The following CELF2 variants were observed in gnomAD, a reference collection of about 807,000 sequenced individuals.
CELF2 encodes the protein CUG triplet repeat RNA-binding protein 2.
CELF2 carries 8 observed loss-of-function variants against 62.6 expected under a neutral mutation model. The observed-to-expected ratio is 0.13, with a 90% CI of 0.07 to 0.23. CELF2 has a LOEUF of 0.23. Among genes scored for constraint, CELF2 ranks in the 10% least tolerant of loss-of-function variants. The pLI, the probability that CELF2 is intolerant of heterozygous loss-of-function variation, is 1.00. For missense variants in CELF2, 333 were observed against 671.0 expected (o/e 0.50, Z 5.56); for synonymous variants, 258 against 250.0 (o/e 1.03, Z -0.30).
At chr10:11,063,850 A>G (rs1220582675) in intron 1 of CELF2, among the ~76,000 whole-genome samples, 2 of 152,050 alleles carry the variant, frequency 1.3e-5, no homozygotes, top group Non-Finnish European at 2.9e-5. Context: ...ATTAAGTTGG[A>G]CTCTCTAAAA....
At chr10:10,969,513 A>C (rs578108108) in intron 2 of CELF2, among the ~76,000 whole-genome samples, 2 of 152,296 alleles carry the variant, frequency 1.3e-5, no homozygotes, top group Middle Eastern at 3.4e-3. Context: ...AACTATAAAC[A>C]TCCCCGTTGT....
chr10:10,485,276 G>T, the CELF2 span, among the ~76,000 whole-genome samples: 1 of 152,176 alleles, frequency 6.6e-6, no homozygotes, highest in East Asian at 1.9e-4. Flanking sequence ...TAGAAGGCGT[G>T]ATCGTCCAGA....
rs1355171217 is a variant in CELF2 at position 11,273,398 on chromosome 10, C to T, written c.778-1659C>T. Among the ~76,000 whole-genome samples the T allele has an allele frequency of 3.3e-5, 5 of 152,156 alleles. No homozygotes were observed. The East Asian group carries it at 7.7e-4, about 24-fold the overall frequency. Reference sequence around the variant, plus strand: ...TGCACATGCTGAAGGGTCTAGGTTGCGTGCTCCTTATGAGAATCTAATTCC... The same window carrying T: ...TGCACATGCTGAAGGGTCTAGGTTGTGTGCTCCTTATGAGAATCTAATTCC... On this transcript the variant is annotated intron_variant, in intron 7 of 12. Coordinates refer to ENST00000633077, the MANE Select transcript of CELF2 (RefSeq NM_001326342.2).
chr10:10,883,374 C>A (rs1280562487), intron 1 of CELF2, among the ~76,000 whole-genome samples: 1 of 152,078 alleles, frequency 6.6e-6, no homozygotes, highest in African/African-American at 2.4e-5. Flanking sequence ...TTTCGTGTTC[C>A]AAAATTTTCT....
chr10:10,954,967 A>G (rs1466384430), intron 2 of CELF2, among the ~76,000 whole-genome samples: 1 of 152,264 alleles, frequency 6.6e-6, no homozygotes. Flanking sequence ...TCTTAGGTCA[A>G]CTGCCTATTT....
At chr10:10,752,802 T>A in the CELF2 span, among the ~76,000 whole-genome samples, 15 of 116,498 alleles carry the variant, frequency 1.3e-4, no homozygotes, top group East Asian at 2.5e-4. Flanking sequence ...ATACCGGTAG[T>A]AAAAAAAAAA....
At chr10:11,230,285 G>C (rs1424281355) in intron 3 of CELF2, among the ~76,000 whole-genome samples, 1 of 151,396 alleles carries the variant, frequency 6.6e-6, no homozygotes, top group Admixed American at 6.6e-5. Flanking sequence ...ACATCACTCT[G>C]AAAAAATTAA....
At chr10:11,236,160 A>G (rs4750032) in intron 3 of CELF2, among the ~76,000 whole-genome samples, 114,249 of 152,178 alleles carry the variant, frequency 0.75, 44,390 homozygotes, top group Non-Finnish European at 0.87. Flanking sequence ...TGGGAGGATC[A>G]TTAGAATACG....
chr10:10,559,678 G>A, the CELF2 span, among the ~76,000 whole-genome samples: 2 of 152,174 alleles, frequency 1.3e-5, no homozygotes, highest in South Asian at 4.1e-4. Flanking sequence ...TTTGATAATT[G>A]TAAGTCATCT....
At chr10:11,090,720 G>A (rs556100495) in intron 1 of CELF2, among the ~76,000 whole-genome samples, 2 of 152,280 alleles carry the variant, frequency 1.3e-5, no homozygotes, top group East Asian at 3.9e-4. Flanking sequence ...AAGGAAAAAG[G>A]CTAATAATTA....
At chr10:11,141,912 T>C (rs962757141) in intron 1 of CELF2, among the ~76,000 whole-genome samples, 31 of 152,264 alleles carry the variant, frequency 2.0e-4, no homozygotes, top group African/African-American at 5.8e-4. Flanking sequence ...TTATTGCAGC[T>C]GACATATTAT....
At position 11,005,510 on chromosome 10, in the gene CELF2, A is replaced by G. The variant is rs1034047720; in HGVS notation, c.53+70A>G. ...TCTAGAGCTGGCTGAGACAATAATTATGCTCTGAATCAAGTAGCTTCCTTA... is the reference window on the plus strand; with the variant it reads ...TCTAGAGCTGGCTGAGACAATAATTGTGCTCTGAATCAAGTAGCTTCCTTA... On this transcript the variant is annotated intron_variant, in intron 1 of 12. Coordinates refer to the CELF2 transcript ENST00000416382. This position sits in a 1 kb window ranked among gnomAD's most constrained non-coding sequence, Gnocchi z 4.3. The G allele has an allele frequency of 1.9e-6, 3 of 1,611,526 alleles. No individual in the cohort carries two copies. The highest frequency in any genetic ancestry group is 1.3e-5 in the African/African-American group (1 of 74,960).
chr10:11,062,501 A>G (rs2067029941), intron 1 of CELF2, among the ~76,000 whole-genome samples: 1 of 152,210 alleles, frequency 6.6e-6, no homozygotes, highest in Admixed American at 6.5e-5. Flanking sequence ...GAAGAAGTGG[A>G]TTTCAGTCCT....
the CELF2 span, among the ~76,000 whole-genome samples, chr10:10,518,731 A>AC: frequency 1.3e-5 from 2 of 152,026 alleles, no homozygotes; most frequent in African/African-American, 4.8e-5. Context: ...TTTTTTAAAA[A>AC]AAAATGGCTT....
chr10:11,132,017 A>T (rs1355921162), intron 1 of CELF2, among the ~76,000 whole-genome samples: 1 of 152,216 alleles, frequency 6.6e-6, no homozygotes, highest in Non-Finnish European at 1.5e-5. Flanking sequence ...AAAGTGGAAG[A>T]CTTGTGAATA....
chr10:11,103,604 G>A (rs571264444), intron 1 of CELF2, among the ~76,000 whole-genome samples: 7 of 150,600 alleles, frequency 4.6e-5, no homozygotes, highest in African/African-American at 9.8e-5. Context: ...TCAGAAGGTC[G>A]TCATGATTAT....
At chr10:10,730,581 C>A in the CELF2 span, among the ~76,000 whole-genome samples, 1 of 152,224 alleles carries the variant, frequency 6.6e-6, no homozygotes, top group African/African-American at 2.4e-5. Context: ...CATGTGGGAA[C>A]ATTGCACAGA....
the CELF2 span, among the ~76,000 whole-genome samples, chr10:10,733,752 C>A: frequency 2.0e-5 from 3 of 152,088 alleles, no homozygotes; most frequent in South Asian, 6.2e-4. Context: ...ACCATGAGAA[C>A]AATATGAGGG....
intron 2 of CELF2, among the ~76,000 whole-genome samples, chr10:10,996,278 C>G (rs918594919): frequency 6.6e-6 from 1 of 152,162 alleles, no homozygotes; most frequent in African/African-American, 2.4e-5. Flanking sequence ...TACTCCAGCC[C>G]CCTAGCCCTG....
Sources: gnomAD v4.1 joint callset for allele counts (sites outside exome capture counted in the v4.1 genomes callset) on GRCh38, gnomAD v4.1.1 for gene constraint, Gnocchi (gnomAD v3.1) non-coding constraint, MANE v1.5 for transcripts, NCBI Gene and HGNC (gene_info 2026-07-23, HGNC 2026-07-21) for gene names.